KCNH7: variants seen among roughly 807,000 people sequenced by gnomAD.
KCNH7 encodes the protein voltage-gated inwardly rectifying potassium channel KCNH7.
In KCNH7, 49 loss-of-function variants were observed where a neutral mutation model predicts 120.8. That is an observed-to-expected ratio of 0.41 (90% CI 0.32 to 0.51). The LOEUF (loss-of-function observed/expected upper bound fraction) is 0.51, where lower values mean the gene tolerates loss of function less well. Among genes scored for constraint, KCNH7 ranks in the 20% least tolerant of loss-of-function variants. The pLI is 0.38. For missense variants in KCNH7, 1,097 were observed against 1,446.6 expected (o/e 0.76, Z 3.92); for synonymous variants, 547 against 516.1 (o/e 1.06, Z -0.81).
chr2:162,660,408 G>T (rs574454528), intron 2 of KCNH7, among the ~76,000 whole-genome samples: 4 of 151,988 alleles, frequency 2.6e-5, no homozygotes, highest in African/African-American at 9.7e-5. Context: ...TCAAGTACTT[G>T]AGGATCTTTC....
chr2:162,396,275 T>C (rs1686910295), intron 11 of KCNH7, among the ~76,000 whole-genome samples: 1 of 151,826 alleles, frequency 6.6e-6, no homozygotes, highest in Admixed American at 6.6e-5. Context: ...ATTTGGAAAT[T>C]GTATTAAATA....
intron 2 of KCNH7, among the ~76,000 whole-genome samples, chr2:162,559,726 A>T (rs1031740719): frequency 1.2e-4 from 19 of 152,224 alleles, no homozygotes; most frequent in Non-Finnish European, 2.5e-4. Context: ...GATATCTCAC[A>T]TTGATGGGGT....
rs975723489 is a variant in KCNH7 at position 162,445,466 on chromosome 2, C to G, written c.1554+552G>C. ...GGAGCTGATTAAAGTTCTGGACTCT[C>G]TATCCAGAAAATGCACAATACATAC... On this transcript the variant is annotated intron_variant, in intron 7 of 15. Transcript: ENST00000332142. Among the ~76,000 whole-genome samples, 4 of 146,504 alleles carry G rather than the reference C, an allele frequency of 2.7e-5. No homozygotes were observed. In the East Asian group the frequency reaches 9.3e-4, roughly 34 times the overall value.
chr2:162,622,407 T>A (rs1169841412), intron 2 of KCNH7, among the ~76,000 whole-genome samples: 1 of 152,212 alleles, frequency 6.6e-6, no homozygotes, highest in Non-Finnish European at 1.5e-5. Context: ...TATTTTGTTC[T>A]TTTTTTATTA....
chr2:162,490,849 T>C (rs1690277263), intron 6 of KCNH7, among the ~76,000 whole-genome samples: 1 of 152,344 alleles, frequency 6.6e-6, no homozygotes, highest in African/African-American at 2.4e-5. Context: ...TATTACTATG[T>C]AGAATGAGCA....
chr2:162,579,710 G>A (rs1297468386), intron 2 of KCNH7, among the ~76,000 whole-genome samples: 2 of 151,996 alleles, frequency 1.3e-5, no homozygotes, highest in East Asian at 1.9e-4. Flanking sequence ...AAGCCTTTCC[G>A]AAAGTCTACA....
At chr2:162,512,703 G>A (rs558362084) in intron 4 of KCNH7, 29 bp from the exon 5 acceptor site, 3 of 1,584,880 alleles carry the variant, frequency 1.9e-6, no homozygotes, top group Middle Eastern at 1.7e-4. Flanking sequence ...GATAAAAAAA[G>A]AGAAATATAA....
chr2:162,570,076 G>C (rs1352180838), intron 2 of KCNH7, among the ~76,000 whole-genome samples: 4 of 141,646 alleles, frequency 2.8e-5, no homozygotes, highest in Non-Finnish European at 4.5e-5. Context: ...TTCAATTCCT[G>C]GGTAACCTTG....
rs779418084 is a variant in KCNH7, at chr2:162,441,999, CTTTTTTTTTTTTTTTTTT to C, written c.1554+4001_1554+4018del. On this transcript the variant is annotated intron_variant, in intron 7 of 15. Coordinates refer to ENST00000332142, the MANE Select transcript of KCNH7 (RefSeq NM_033272.4). The stretch of plus-strand genomic sequence containing the variant: ...GAAAAAAATTAAATAGTTAGGTCTT[CTTTTTTTTTTTTTTTTTT>C]TTTTTTTTTTTTTTTTTGAGATGGA... Among the ~76,000 whole-genome samples, 184 of 41,600 alleles carry C rather than the reference CTTTTTTTTTTTTTTTTTT, an allele frequency of 4.4e-3. 2 individuals are homozygous for C. The highest frequency in any genetic ancestry group is 0.01 in the African/African-American group (159 of 15,474). The allele number at this position is 41,600 out of a possible 152,430, so 27.3% of individuals were successfully genotyped here. A position where few individuals can be genotyped will look rare whatever the true frequency, so the allele number is the denominator to read the frequency against.
At chr2:162,594,102 C>A (rs1260371398) in intron 2 of KCNH7, among the ~76,000 whole-genome samples, 2 of 151,986 alleles carry the variant, frequency 1.3e-5, no homozygotes, top group East Asian at 3.9e-4. Flanking sequence ...TTAGACCTTC[C>A]AAATTAAACT....
chr2:162,504,218 C>T (rs1186966857), intron 6 of KCNH7, among the ~76,000 whole-genome samples: 1 of 152,018 alleles, frequency 6.6e-6, no homozygotes, highest in East Asian at 1.9e-4. Context: ...AGCAACCATG[C>T]CATGTTAGCC....
At chr2:162,631,751 T>C (rs532846082) in intron 2 of KCNH7, among the ~76,000 whole-genome samples, 175 of 152,048 alleles carry the variant, frequency 1.2e-3, no homozygotes, top group African/African-American at 4.0e-3. Flanking sequence ...AATTGATAGC[T>C]TATTGAGAAG....
intron 12 of KCNH7, among the ~76,000 whole-genome samples, chr2:162,394,036 C>T (rs73014846): frequency 0.084 from 12,826 of 151,984 alleles, 1,754 homozygotes; most frequent in African/African-American, 0.29. Flanking sequence ...CCATGTCATG[C>T]ATGCTTGTGG....
chr2:162,459,721 A>G (rs1689085124), intron 6 of KCNH7, among the ~76,000 whole-genome samples: 1 of 152,172 alleles, frequency 6.6e-6, no homozygotes, highest in Non-Finnish European at 1.5e-5. Flanking sequence ...AGCCACATCC[A>G]TATTCTGCAC....
intron 12 of KCNH7, among the ~76,000 whole-genome samples, chr2:162,394,038 TG>T (rs1686826630): frequency 6.6e-6 from 1 of 151,994 alleles, no homozygotes; most frequent in African/African-American, 2.4e-5. Context: ...ATGTCATGCA[TG>T]CTTGTGGGGC....
Position 162,656,971 on chromosome 2 carries a change from G to T in KCNH7, c.308-119891C>A, listed in dbSNP as rs78983828. 1.8e-3 allele frequency among the ~76,000 whole-genome samples: 267 copies of T among 152,298 alleles called. No homozygotes were observed. In the East Asian group the frequency reaches 0.021, roughly 12 times the overall value. Reference sequence around the variant, plus strand: ...TAAAGGTGCTAAGGCAGCTTTAGCAGATTGCTGCTAGAAAATGGGATTCTT... The same window carrying T: ...TAAAGGTGCTAAGGCAGCTTTAGCATATTGCTGCTAGAAAATGGGATTCTT... On this transcript the variant is annotated intron_variant, in intron 2 of 15. Transcript: ENST00000332142.
At chr2:162,440,392 A>C (rs1688382099) in intron 7 of KCNH7, among the ~76,000 whole-genome samples, 1 of 152,022 alleles carries the variant, frequency 6.6e-6, no homozygotes, top group Non-Finnish European at 1.5e-5. Context: ...CGAGATAAGT[A>C]ATAAATTTCA....
At chr2:162,555,164 T>C (rs1692812876) in intron 2 of KCNH7, among the ~76,000 whole-genome samples, 1 of 152,192 alleles carries the variant, frequency 6.6e-6, no homozygotes, top group Non-Finnish European at 1.5e-5. Flanking sequence ...TGTCTTTTCA[T>C]AGAAAGCTTG....
intron 2 of KCNH7, among the ~76,000 whole-genome samples, chr2:162,591,973 G>T (rs1188644891): frequency 6.6e-6 from 1 of 152,036 alleles, no homozygotes; most frequent in African/African-American, 2.4e-5. Context: ...GACTTTAAAT[G>T]TTGAAGTAAT....
Sources: gnomAD v4.1 joint callset for allele counts (sites outside exome capture counted in the v4.1 genomes callset) on GRCh38, gnomAD v4.1.1 for gene constraint, MANE v1.5 for transcripts, NCBI Gene and HGNC (gene_info 2026-07-23, HGNC 2026-07-21) for gene names.